The following GRIN2B variants were observed in gnomAD, a reference collection of about 807,000 sequenced individuals.
The protein encoded by GRIN2B is glutamate ionotropic receptor NMDA type subunit 2B.
GRIN2B carries 5 observed loss-of-function variants against 114.5 expected under a neutral mutation model. That is an observed-to-expected ratio of 0.04 (90% CI 0.02 to 0.09). The LOEUF (loss-of-function observed/expected upper bound fraction) is 0.09. Ranked by LOEUF, GRIN2B falls within the 10% of genes least tolerant of loss-of-function variation. The pLI is 1.00. For missense variants in GRIN2B, 1,108 were observed against 1,943.5 expected (o/e 0.57, Z 8.08); for synonymous variants, 787 against 745.1 (o/e 1.06, Z -0.92).
At chr12:13,888,658 C>T (rs902922848) in intron 2 of GRIN2B, among the ~76,000 whole-genome samples, 1 of 151,088 alleles carries the variant, frequency 6.6e-6, no homozygotes, top group African/African-American at 2.4e-5. Flanking sequence ...CACTTGAACT[C>T]GGGAGGTGGA....
intron 10 of GRIN2B, among the ~76,000 whole-genome samples, chr12:13,600,497 GCA>G (rs1491173784): frequency 1.4e-5 from 2 of 144,272 alleles, no homozygotes; most frequent in East Asian, 4.7e-4. Flanking sequence ...ATGTGTGTGT[GCA>G]TGTGTGTGTG....
intron 4 of GRIN2B, among the ~76,000 whole-genome samples, chr12:13,715,080 G>T (rs1258397044): frequency 6.6e-6 from 1 of 151,856 alleles, no homozygotes; most frequent in Non-Finnish European, 1.5e-5. Flanking sequence ...AACGTTGATG[G>T]ATGGTGGTGG....
chr12:13,853,425 A>C (rs1269675514), intron 3 of GRIN2B, among the ~76,000 whole-genome samples: 2 of 152,254 alleles, frequency 1.3e-5, no homozygotes, highest in Admixed American at 6.5e-5. Flanking sequence ...GACAATTAGC[A>C]TATAATATGA....
intron 3 of GRIN2B, among the ~76,000 whole-genome samples, chr12:13,782,053 T>G (rs974198215): frequency 6.6e-6 from 1 of 152,202 alleles, no homozygotes; most frequent in Non-Finnish European, 1.5e-5. Context: ...CTCTTCTGTG[T>G]CTGTAGATCA....
intron 2 of GRIN2B, among the ~76,000 whole-genome samples, chr12:13,912,279 CA>C (rs1241416151): frequency 1.3e-5 from 2 of 151,638 alleles, no homozygotes; most frequent in African/African-American, 4.9e-5. Flanking sequence ...AGAGAATCAG[CA>C]GAGAGAGAGA....
chr12:13,794,206 T>C (rs1391079882), intron 3 of GRIN2B, among the ~76,000 whole-genome samples: 1 of 20,706 alleles, frequency 4.8e-5, no homozygotes, highest in Admixed American at 6.1e-4. Flanking sequence ...AGACTCTGTC[T>C]CAAAAAAAAA....
At chr12:13,975,420 T>C (rs1481099475) in intron 2 of GRIN2B, among the ~76,000 whole-genome samples, 2 of 152,262 alleles carry the variant, frequency 1.3e-5, no homozygotes, top group Non-Finnish European at 2.9e-5. Context: ...ATCAATGGCA[T>C]GGTGTACAAA....
At chr12:13,866,327 A>G (rs1055637360) in intron 2 of GRIN2B, 101 bp from the exon 3 acceptor site, 10 of 994,478 alleles carry the variant, frequency 1.0e-5, no homozygotes, top group South Asian at 5.5e-5. Context: ...ATCTCCTTTC[A>G]TTGAGCACCA....
intron 2 of GRIN2B, among the ~76,000 whole-genome samples, chr12:13,941,780 C>A (rs575743330): frequency 6.6e-6 from 1 of 152,200 alleles, no homozygotes; most frequent in African/African-American, 2.4e-5. Context: ...TACGTGTGTG[C>A]AAACCATGGT....
At chr12:13,895,809 A>G (rs1269810523) in intron 2 of GRIN2B, among the ~76,000 whole-genome samples, 1 of 152,032 alleles carries the variant, frequency 6.6e-6, no homozygotes, top group Non-Finnish European at 1.5e-5. Flanking sequence ...TTTTCATGCT[A>G]TGTGAGCTCC....
At chr12:13,941,647 G>A (rs994682697) in intron 2 of GRIN2B, among the ~76,000 whole-genome samples, 5 of 152,164 alleles carry the variant, frequency 3.3e-5, no homozygotes, top group African/African-American at 1.2e-4. Context: ...CCTTAAACTG[G>A]ACCCACAGGG....
intron 4 of GRIN2B, among the ~76,000 whole-genome samples, chr12:13,680,809 A>G (rs1950123495): frequency 6.6e-6 from 1 of 152,114 alleles, no homozygotes; most frequent in Admixed American, 6.6e-5. Context: ...CTTGAATCAC[A>G]TGGCACATCC....
At chr12:13,663,832 A>G (rs1307150101) in intron 5 of GRIN2B, among the ~76,000 whole-genome samples, 1 of 152,170 alleles carries the variant, frequency 6.6e-6, no homozygotes, top group Non-Finnish European at 1.5e-5. Context: ...CTAGAATCTA[A>G]TTTCATTTGT....
intron 10 of GRIN2B, among the ~76,000 whole-genome samples, chr12:13,594,351 A>G (rs1317011212): frequency 1.3e-5 from 2 of 152,222 alleles, no homozygotes; most frequent in Non-Finnish European, 2.9e-5. Flanking sequence ...GCCATAAAAA[A>G]GGATCAGTTC....
chr12:13,841,933 A>G (rs7956854), intron 3 of GRIN2B, among the ~76,000 whole-genome samples: 2 of 152,144 alleles, frequency 1.3e-5, no homozygotes, highest in African/African-American at 2.4e-5. Flanking sequence ...ATAACAATTC[A>G]TCGTGCTACA....
intron 3 of GRIN2B, among the ~76,000 whole-genome samples, chr12:13,785,834 G>A (rs1250002182): frequency 6.6e-6 from 1 of 152,140 alleles, no homozygotes; most frequent in Admixed American, 6.5e-5. Flanking sequence ...GACTCAAAAT[G>A]TTAATCCGTT....
intron 2 of GRIN2B, among the ~76,000 whole-genome samples, chr12:13,888,794 A>T (rs987243271): frequency 5.3e-4 from 5 of 9,406 alleles, no homozygotes; most frequent in South Asian, 3.8e-3. Flanking sequence ...ATAAAAGATA[A>T]AAAAAAAAAA....
intron 5 of GRIN2B, among the ~76,000 whole-genome samples, chr12:13,619,623 G>A (rs767879227): frequency 1.3e-5 from 2 of 152,274 alleles, no homozygotes; most frequent in East Asian, 1.9e-4. Flanking sequence ...ACTGCAAACC[G>A]ATTCTGTGCC....
chr12:13,856,127 C>A (rs1040195962), intron 3 of GRIN2B, among the ~76,000 whole-genome samples: 4 of 152,128 alleles, frequency 2.6e-5, no homozygotes, highest in African/African-American at 9.7e-5. Context: ...GCCATGAATT[C>A]TCCTATAAAG....
Sources: allele counts gnomAD v4.1 joint callset (sites outside exome capture counted in the v4.1 genomes callset), GRCh38; gene constraint gnomAD v4.1.1; transcripts MANE v1.5; gene names NCBI Gene and HGNC (gene_info 2026-07-23, HGNC 2026-07-21).